The following KRT81 variants were observed in gnomAD, a reference collection of about 807,000 sequenced individuals.
KRT81 encodes keratin, type II cuticular Hb1.
In KRT81, 35 loss-of-function variants were observed where a neutral mutation model predicts 35.8. That is an observed-to-expected ratio of 0.98 (90% CI 0.75 to 1.30). KRT81 has a LOEUF of 1.30. Among genes scored for constraint, KRT81 ranks in the 50% most tolerant of loss-of-function variants. The pLI is 0.00. For synonymous variants in KRT81, 249 were observed against 251.2 expected (o/e 0.99, Z 0.08); for missense variants, 531 against 577.4 (o/e 0.92, Z 0.82).
In KRT81 at chr12:52,287,595, C is replaced by A. The variant is rs1472263005; in HGVS notation, c.1026+1G>T. 1.2e-6 allele frequency: 2 copies of A among 1,613,950 alleles called. No homozygotes were observed. The highest frequency in any genetic ancestry group is 1.7e-6 in the Non-Finnish European group (2 of 1,179,842). ...TGACCTTGCGCACAGATGCCCCATACCTGGCACTTGGCATTCTCCACCTCG... is the reference window on the plus strand; with the variant it reads ...TGACCTTGCGCACAGATGCCCCATAACTGGCACTTGGCATTCTCCACCTCG... On this transcript the variant is annotated splice_donor_variant, in intron 6 of 8. Coordinates refer to ENST00000327741, the MANE Select transcript of KRT81 (RefSeq NM_002281.4). LOFTEE classifies it high-confidence loss of function.
Position 52,291,473 on chromosome 12 carries a change from C to T in KRT81, c.-8G>A, listed in dbSNP as rs769155748. 1 of 1,612,680 alleles carries T rather than the reference C, an allele frequency of 6.2e-7. No individual in the cohort carries two copies. Among genetic ancestry groups the T allele is most frequent in the Admixed American group, 1.7e-5 (1 of 59,932 alleles). On this transcript the variant is annotated 5_prime_UTR_variant, in exon 1 of 9. Transcript: ENST00000327741. ...TCCTGATCCGCAGGTCATGATCCTC[C>T]TGGACGTTTGGGTTGCAGAGGACAG...
chr12:52,286,224 T>C lies in KRT81; in HGVS notation c.*31A>G, dbSNP rs3657. ...GCCAAGCAAGGCAGGGCAGGAAAGA[T>C]GCCTGGGGCCTGGGACTTGAGTTGG... On this transcript the variant is annotated 3_prime_UTR_variant, in exon 9 of 9. Transcript: ENST00000327741. 772,783 of 1,534,656 alleles carry C rather than the reference T, an allele frequency of 0.5. 198,728 individuals are homozygous for C. Among genetic ancestry groups the C allele is most frequent in the Non-Finnish European group, 0.53 (598,879 of 1,131,934 alleles).
rs767061164 is a variant in KRT81 at position 52,291,399 on chromosome 12, C to A, written c.67G>T (p.Gly23Cys). ...GGGGCGGCGGTGATGCAGCAGCGGC[C>A]GGGCCGCGGCCCGCAGGCCGAGATG... The part of the protein sequence containing the change: ...SCISACGPRP[G>C]RCCITAAPYR... Residue 23 changes from glycine to cysteine, a missense_variant, in exon 1 of 9, where the codon GGC becomes TGC. Physicochemically the swap from Gly to Cys is radical, Grantham distance 159 (BLOSUM62 -3). Transcript: ENST00000327741. 6.2e-7 allele frequency: 1 copy of A among 1,609,628 alleles called. No individual in the cohort carries two copies. Among genetic ancestry groups the A allele is most frequent in the South Asian group, 1.1e-5 (1 of 90,724 alleles).
chr12:52,287,827 C>T (rs1938002960), intron 5 of KRT81, 106 bp from the exon 6 acceptor site: 7 of 1,607,136 alleles, frequency 4.4e-6, no homozygotes, highest in Admixed American at 1.7e-5. Context: ...TGTGCAGCCA[C>T]ACATGGCAGT....
rs1373284277 is a variant in KRT81 at position 52,286,357 on chromosome 12, G to A, written c.1416C>T (p.Gly472=). Residue 472 remains glycine (G), a synonymous_variant, in exon 9 of 9, where the codon GGC becomes GGT. Coordinates refer to ENST00000327741, the MANE Select transcript of KRT81 (RefSeq NM_002281.4). Reference sequence around the variant, plus strand: ...CCCCTCCGCAGGTGGTGTTCAATTGGCCGCAGGGCGCACACAGGCCGGTGC... The same window carrying A: ...CCCCTCCGCAGGTGGTGTTCAATTGACCGCAGGGCGCACACAGGCCGGTGC... ...AVSTGLCAPC[G]QLNTTCGGGS... The A allele has an allele frequency of 1.9e-6, 3 of 1,554,950 alleles. No homozygotes were observed. The highest frequency in any genetic ancestry group is 2.4e-5 in the South Asian group (2 of 84,240).
chr12:52,286,897 T>G (rs1225526639), intron 7 of KRT81, 75 bp from the exon 8 acceptor site: 12 of 1,573,770 alleles, frequency 7.6e-6, no homozygotes, highest in South Asian at 3.4e-5. Context: ...GTTCATAGGG[T>G]AGGGTCCACA....
chr12:52,287,227 G>A lies in KRT81; in HGVS notation c.1122C>T (p.Ala374=), dbSNP rs781634156. The A allele has an allele frequency of 5.0e-6, 8 of 1,613,928 alleles. No homozygotes were observed. The highest frequency in any genetic ancestry group is 1.7e-4 in the Middle Eastern group (1 of 5,988). Residue 374 remains alanine (A), a synonymous_variant, in exon 7 of 9, where the codon GCC becomes GCT. Transcript: ENST00000327741. The part of the protein sequence containing the change: ...ARCKLAELEG[A]LQKAKQDMAC... ...CCATGTCCTGCTTGGCCTTCTGCAG[G>A]GCGCCCTCCAGCTCGGCCAGCTTGC...
chr12:52,287,496 G>A, intron 6 of KRT81, 100 bp downstream of exon 6: 3 of 1,607,188 alleles, frequency 1.9e-6, no homozygotes, highest in South Asian at 1.1e-5. Context: ...GGACAAAGGG[G>A]GTGGAGAATG....
chr12:52,286,557 G>T, intron 8 of KRT81, 64 bp from the exon 9 acceptor site: 1 of 1,481,356 alleles, frequency 6.8e-7, no homozygotes, highest in Non-Finnish European at 9.2e-7. Context: ...CCTGACAACC[G>T]CCCCTGCCCA....
rs771040700 is a variant in KRT81, at chr12:52,287,710, C to A, written c.912G>T (p.Met304Ile). The change falls in exon 6 of 9, where the codon ATG becomes ATT. Residue 304 changes from methionine to isoleucine, a missense_variant. Met to Ile is a conservative substitution (Grantham distance 10, BLOSUM62 1). Transcript: ENST00000327741. The stretch of plus-strand genomic sequence containing the variant: ...CCCCGTGCCTGATCACCGTGGCCTT[C>A]ATCTCCTCACACTGGGGGAAGTAGA... ...ESWYRSKCEE[M>I]KATVIRHGET... The A allele has an allele frequency of 6.2e-7, 1 of 1,614,096 alleles. No homozygotes were observed. The highest frequency in any genetic ancestry group is 8.5e-7 in the Non-Finnish European group (1 of 1,179,970).
chr12:52,286,727 C>G (rs1937953359), intron 8 of KRT81, 64 bp downstream of exon 8: 3 of 1,544,134 alleles, frequency 1.9e-6, no homozygotes. Context: ...ACTCCTTTTT[C>G]CAAACTCTGC....
chr12:52,286,695 T>C (rs1029104417), intron 8 of KRT81, 96 bp downstream of exon 8: 3 of 1,395,052 alleles, frequency 2.2e-6, no homozygotes, highest in African/African-American at 2.8e-5. Context: ...CAGCCCACTC[T>C]TTTATATTCA....
chr12:52,288,342 C>G lies in KRT81; in HGVS notation c.735+19G>C, dbSNP rs59270969. 1,591 of 1,613,782 alleles carry G rather than the reference C, an allele frequency of 9.9e-4. 30 individuals carry two copies. The East Asian group carries it at 0.028, about 29-fold the overall frequency. On this transcript the variant is annotated intron_variant, in intron 4 of 8. Transcript: ENST00000327741. ...TCTCTGCTGGCTGCCAGGTTTCTGT[C>G]TGGCCCCTGAGCCCGCACCTCCTCA...
rs777752536 is a variant in KRT81, at chr12:52,287,206, G to A, written c.1143C>T (p.Asp381=). 2 of 1,614,004 alleles carry A rather than the reference G, an allele frequency of 1.2e-6. No individual in the cohort carries two copies. The highest frequency in any genetic ancestry group is 2.2e-5 in the South Asian group (2 of 91,066). The change falls in exon 7 of 9, where the codon GAC becomes GAT. Residue 381 remains aspartate (D), a synonymous_variant. Coordinates refer to ENST00000327741, the MANE Select transcript of KRT81 (RefSeq NM_002281.4). ...LEGALQKAKQ[D]MACLIREYQE... Reference sequence around the variant, plus strand: ...GGTACTCCCTGATCAGGCAGGCCATGTCCTGCTTGGCCTTCTGCAGGGCGC... The same window carrying A: ...GGTACTCCCTGATCAGGCAGGCCATATCCTGCTTGGCCTTCTGCAGGGCGC...
In KRT81 at chr12:52,286,329, A is replaced by C. The variant is rs1056793181; in HGVS notation, c.1444T>G (p.Ser482Ala). The stretch of plus-strand genomic sequence containing the variant: ...ATACCACAGGAGCCCACGCCGCAGG[A>C]ACCCCCTCCGCAGGTGGTGTTCAAT... ...GQLNTTCGGG[S>A]CGVGSCGISS... Residue 482 changes from serine to alanine, a missense_variant, in exon 9 of 9, where the codon TCC (serine) becomes GCC (alanine). Ser to Ala is a moderately conservative substitution (Grantham distance 99). Coordinates refer to ENST00000327741, the MANE Select transcript of KRT81 (RefSeq NM_002281.4). The C allele has an allele frequency of 6.4e-7, 1 of 1,554,852 alleles. No individual in the cohort carries two copies. Among genetic ancestry groups the C allele is most frequent in the African/African-American group, 1.4e-5 (1 of 73,450 alleles).
At chr12:52,287,762 C>G (rs1206930134) in intron 5 of KRT81, 41 bp from the exon 6 acceptor site, 1 of 1,614,012 alleles carries the variant, frequency 6.2e-7, no homozygotes. Context: ...AGGGTGGGAC[C>G]TCCCATCCAT....
rs765859692 is a variant in KRT81, at chr12:52,291,433, G to A, written c.33C>T (p.Ala11=). MTCGSGFGGR[A]FSCISACGPR... ...GCCCGCAGGCCGAGATGCAGCTGAA[G>A]GCGCGCCCACCAAATCCTGATCCGC... is the stretch of plus-strand genomic sequence containing the variant. The change falls in exon 1 of 9, where the codon GCC becomes GCT. Residue 11 remains alanine (A), a synonymous_variant. Transcript: ENST00000327741. The A allele has an allele frequency of 4.3e-6, 7 of 1,612,538 alleles. No individual in the cohort carries two copies. The Admixed American group carries it at 5.0e-5, about 12-fold the overall frequency.
Position 52,291,079 on chromosome 12 carries a change from G to A in KRT81, c.369+18C>T, listed in dbSNP as rs917237261. On this transcript the variant is annotated intron_variant, in intron 1 of 8. Coordinates refer to ENST00000327741, the MANE Select transcript of KRT81 (RefSeq NM_002281.4). ...TAGGTGGTGGGGGTTCAGGAAGGGTGTGATCCAGGACACCCACCTTGTCGA... is the reference window on the plus strand; with the variant it reads ...TAGGTGGTGGGGGTTCAGGAAGGGTATGATCCAGGACACCCACCTTGTCGA... 1 of 583,626 alleles carries A rather than the reference G, an allele frequency of 1.7e-6. No individual in the cohort carries two copies. 36.2% of individuals were successfully genotyped at this position (583,626 alleles called of 1,614,324 possible).
rs1315242192 is a variant in KRT81 at position 52,286,495 on chromosome 12, T to C, written c.1280-2A>G. The C allele has an allele frequency of 1.9e-6, 3 of 1,552,118 alleles. No individual in the cohort carries two copies. The South Asian group carries it at 3.6e-5, about 18-fold the overall frequency. On this transcript the variant is annotated splice_acceptor_variant, in intron 8 of 8. Transcript: ENST00000327741. LOFTEE classifies it high-confidence loss of function. ...CCCCGCCCCGGGAGCTGCTGACACC[T>C]GTGAACCCCGAAGGCTGAGTCAAAA...
Sources: allele counts gnomAD v4.1 joint callset, GRCh38; gene constraint gnomAD v4.1.1; transcripts MANE v1.5; gene names NCBI Gene and HGNC (gene_info 2026-07-23, HGNC 2026-07-21).